Variants in EYA2 observed in about 807,000 individuals in gnomAD.
EYA2 encodes the protein protein phosphatase EYA2.
A neutral mutation model predicts 69.2 loss-of-function variants in EYA2; 31 were observed. The ratio of observed to expected loss-of-function variants is 0.45; its 90% CI spans 0.34 to 0.60. EYA2 has a LOEUF of 0.60. EYA2 is among the 20% of genes least tolerant of loss of function. The pLI, the probability that EYA2 is intolerant of heterozygous loss-of-function variation, is 0.02. For synonymous variants in EYA2, 257 were observed against 279.4 expected, an observed-to-expected ratio of 0.92 and a Z score of 0.80; for missense variants, 622 against 701.2, an observed-to-expected ratio of 0.89 and a Z score of 1.28.
intron 15 of EYA2, among the ~76,000 whole-genome samples, chr20:47,185,321 G>A (rs2034617893): frequency 3.3e-5 from 2 of 61,142 alleles, no homozygotes; most frequent in Admixed American, 2.8e-4. Context: ...TTTTTTTTGA[G>A]ACAGAATCTC....
At chr20:47,063,705 G>A (rs1167819153) in intron 5 of EYA2, among the ~76,000 whole-genome samples, 1 of 152,160 alleles carries the variant, frequency 6.6e-6, no homozygotes, top group Non-Finnish European at 1.5e-5. Context: ...CTTGCAACCA[G>A]ACTGGCCGTG....
At chr20:47,159,686 C>G (rs893428191) in intron 10 of EYA2, among the ~76,000 whole-genome samples, 1 of 152,022 alleles carries the variant, frequency 6.6e-6, no homozygotes, top group East Asian at 2.0e-4. Flanking sequence ...TGCAACTTTT[C>G]TGTAAATCTA....
intron 1 of EYA2, among the ~76,000 whole-genome samples, chr20:46,944,347 C>T (rs569880220): frequency 3.3e-5 from 5 of 152,272 alleles, no homozygotes; most frequent in African/African-American, 1.2e-4. Context: ...AGGGCGGGTT[C>T]GTAAGGGCTG....
At chr20:47,163,888 A>G (rs1216978131) in intron 10 of EYA2, among the ~76,000 whole-genome samples, 13 of 152,064 alleles carry the variant, frequency 8.5e-5, no homozygotes. Context: ...TCTGGGTCAG[A>G]AAGTAAAAAT....
In EYA2 at chr20:47,074,271, G is replaced by A. The variant is rs374467565; in HGVS notation, c.597G>A (p.Thr199=). 28 of 1,613,686 alleles carry A rather than the reference G, an allele frequency of 1.7e-5. No individual in the cohort carries two copies. In the Admixed American group the frequency reaches 2.3e-4, roughly 13 times the overall value. Reference sequence around the variant, plus strand: ...GCATCTGCCCTTCGCCCCTCTCCACGTCCACCTACGTCCTCCAGGAGGCAT... The same window carrying A: ...GCATCTGCCCTTCGCCCCTCTCCACATCCACCTACGTCCTCCAGGAGGCAT... ...ASSICPSPLS[T]STYVLQEASH... is the part of the protein sequence containing the mutation. Residue 199 remains threonine, a synonymous_variant, in exon 7 of 16, where the codon ACG becomes ACA. Transcript: ENST00000327619.
intron 1 of EYA2, among the ~76,000 whole-genome samples, chr20:46,902,007 G>A (rs984103613): frequency 6.6e-6 from 1 of 152,206 alleles, no homozygotes; most frequent in Non-Finnish European, 1.5e-5. Flanking sequence ...GAGAAAGAAT[G>A]CCTTAAACTC....
chr20:47,059,217 G>A (rs1030087312), intron 5 of EYA2, among the ~76,000 whole-genome samples: 5 of 152,190 alleles, frequency 3.3e-5, no homozygotes, highest in South Asian at 2.1e-4. Context: ...AGTTTCCCAC[G>A]CTGGGAGTGC....
chr20:47,085,961 T>C (rs1338568309), intron 7 of EYA2, among the ~76,000 whole-genome samples: 1 of 152,216 alleles, frequency 6.6e-6, no homozygotes, highest in East Asian at 1.9e-4. Context: ...TAAGAAATTG[T>C]GTACTCTAAA....
chr20:47,186,703 C>T (rs1422805511), intron 15 of EYA2, among the ~76,000 whole-genome samples: 1 of 152,110 alleles, frequency 6.6e-6, no homozygotes, highest in Non-Finnish European at 1.5e-5. Flanking sequence ...GCTTCTTGTC[C>T]CCTGAGACAC....
chr20:47,068,126 CT>C (rs2146465838), intron 5 of EYA2, among the ~76,000 whole-genome samples: 1 of 152,330 alleles, frequency 6.6e-6, no homozygotes, highest in Admixed American at 6.5e-5. Context: ...CTCAGTTTCT[CT>C]GTATGGAACA....
At chr20:47,044,346 G>C (rs1344643482) in intron 5 of EYA2, among the ~76,000 whole-genome samples, 1 of 152,204 alleles carries the variant, frequency 6.6e-6, no homozygotes, top group Non-Finnish European at 1.5e-5. Flanking sequence ...GACACCCACT[G>C]TGTGCCAGGC....
chr20:47,064,561 G>A (rs1312826769), intron 5 of EYA2, among the ~76,000 whole-genome samples: 1 of 152,220 alleles, frequency 6.6e-6, no homozygotes, highest in Non-Finnish European at 1.5e-5. Flanking sequence ...GAATCATCCA[G>A]TGTTTTCCAC....
rs2033629428 is a variant in EYA2 at position 47,143,067 on chromosome 20, G to A, written c.897G>A (p.Thr299=). 6 of 1,613,478 alleles carry A rather than the reference G, an allele frequency of 3.7e-6. No homozygotes were observed. Among genetic ancestry groups the A allele is most frequent in the East Asian group, 2.2e-5 (1 of 44,834 alleles). The change falls in exon 10 of 16, where the codon ACG becomes ACA. Residue 299 remains threonine, a synonymous_variant. Coordinates refer to ENST00000327619, the MANE Select transcript of EYA2 (RefSeq NM_005244.5). ...TFASRYGKDT[T]TSVRIGLMME... Reference sequence around the variant, plus strand: ...CCTTCTCTGCCTCGCAGGACACCACGACGTCCGTGCGCATTGGCCTTATGA... The same window carrying A: ...CCTTCTCTGCCTCGCAGGACACCACAACGTCCGTGCGCATTGGCCTTATGA...
chr20:47,087,523 T>A (rs1034866275), intron 7 of EYA2, among the ~76,000 whole-genome samples: 36 of 152,254 alleles, frequency 2.4e-4, no homozygotes, highest in African/African-American at 7.7e-4. Context: ...TCACTAAACC[T>A]GAGTTACCTC....
chr20:47,057,522 C>G (rs984310713), intron 5 of EYA2, among the ~76,000 whole-genome samples: 18 of 148,312 alleles, frequency 1.2e-4, no homozygotes, highest in Non-Finnish European at 5.9e-5. Context: ...CCCCCCCCCC[C>G]ATCTCATACC....
chr20:47,120,988 G>C (rs1205475361), intron 9 of EYA2, among the ~76,000 whole-genome samples: 1 of 152,134 alleles, frequency 6.6e-6, no homozygotes, highest in Non-Finnish European at 1.5e-5. Context: ...AATTCTTTTG[G>C]AATATTTGAT....
At chr20:47,136,045 C>A (rs1272943168) in intron 9 of EYA2, among the ~76,000 whole-genome samples, 1 of 151,696 alleles carries the variant, frequency 6.6e-6, no homozygotes, top group Non-Finnish European at 1.5e-5. Context: ...AAACAGAAAA[C>A]TTGGAAAATC....
At chr20:46,902,817 A>G (rs866511667) in intron 1 of EYA2, among the ~76,000 whole-genome samples, 6 of 152,320 alleles carry the variant, frequency 3.9e-5, no homozygotes, top group African/African-American at 7.2e-5. Context: ...CATTGCTTAC[A>G]GCTGCTCTTG....
intron 1 of EYA2, among the ~76,000 whole-genome samples, chr20:46,918,527 G>A (rs894287943): frequency 2.6e-5 from 4 of 151,952 alleles, no homozygotes; most frequent in African/African-American, 9.7e-5. Context: ...GAGTGGTCTC[G>A]AACTCCCGCA....
Sources: allele counts gnomAD v4.1 joint callset (sites outside exome capture counted in the v4.1 genomes callset), GRCh38; gene constraint gnomAD v4.1.1; transcripts MANE v1.5; gene names NCBI Gene and HGNC (gene_info 2026-07-23, HGNC 2026-07-21).